BCL7C: variants seen among roughly 807,000 people sequenced by gnomAD.
BCL7C encodes the protein BAF chromatin remodeling complex subunit BCL7C, also known as B-cell CLL/lymphoma 7 protein family member C.
Under a neutral mutation model 26.2 loss-of-function variants are expected in BCL7C, and 8 were observed. The observed-to-expected ratio is 0.30, with a 90% CI of 0.18 to 0.55. The LOEUF is 0.55. Ranked by LOEUF, BCL7C falls within the 20% of genes least tolerant of loss-of-function variation. The pLI is 0.93. For synonymous variants in BCL7C, 90 were observed against 116.5 expected, an observed-to-expected ratio of 0.77 and a Z score of 1.47; for missense variants, 262 against 298.5, an observed-to-expected ratio of 0.88 and a Z score of 0.90.
At chr16:30,870,090 G>A (rs2054869696) in intron 5 of BCL7C, among the ~76,000 whole-genome samples, 1 of 152,062 alleles carries the variant, frequency 6.6e-6, no homozygotes, top group African/African-American at 2.4e-5. Flanking sequence ...GCCACCTTAG[G>A]AAGATGCAGT....
At chr16:30,849,640 G>A (rs1442029976) in intron 5 of BCL7C, among the ~76,000 whole-genome samples, 1 of 151,980 alleles carries the variant, frequency 6.6e-6, no homozygotes, top group African/African-American at 2.4e-5. Context: ...TAGTAGAGAC[G>A]AGGTTTCACC....
chr16:30,862,958 G>A (rs1385826023), intron 5 of BCL7C, among the ~76,000 whole-genome samples: 1 of 152,058 alleles, frequency 6.6e-6, no homozygotes, highest in Non-Finnish European at 1.5e-5. Flanking sequence ...ATTACACACA[G>A]CTGAAGTGCA....
In BCL7C at chr16:30,893,295, G is replaced by A. The variant is rs1324493536; in HGVS notation, c.93-5C>T. ...ACAGTCACCCATCGCTTCTCCCTGT[G>A]GGAGGGTGGGGGGCTGGGTCAGAGA... On this transcript the variant is annotated splice_region_variant and splice_polypyrimidine_tract_variant and intron_variant, in intron 1 of 5. Coordinates refer to ENST00000215115, the MANE Select transcript of BCL7C (RefSeq NM_004765.4). The surrounding 1 kb of genome is among the most constrained non-coding windows in gnomAD (Gnocchi z 5.2). The A allele has an allele frequency of 6.2e-7, 1 of 1,612,392 alleles. No individual in the cohort carries two copies. The highest frequency in any genetic ancestry group is 8.5e-7 in the Non-Finnish European group (1 of 1,178,962).
chr16:30,839,355 G>A (rs1323551720), intron 5 of BCL7C, among the ~76,000 whole-genome samples: 1 of 152,190 alleles, frequency 6.6e-6, no homozygotes, highest in Non-Finnish European at 1.5e-5. Flanking sequence ...ATTCCCTGGT[G>A]TGACAGACAG....
At chr16:30,870,434 G>A (rs377185103) in intron 5 of BCL7C, among the ~76,000 whole-genome samples, 1 of 152,152 alleles carries the variant, frequency 6.6e-6, no homozygotes, top group African/African-American at 2.4e-5. Flanking sequence ...CTCGGCCAAG[G>A]TGGGAGGATC....
intron 4 of BCL7C, among the ~76,000 whole-genome samples, chr16:30,891,629 C>G (rs1164829342): frequency 6.6e-6 from 1 of 152,048 alleles, no homozygotes; most frequent in Non-Finnish European, 1.5e-5. Context: ...TACTGAGCAC[C>G]TACTATGTGT....
At chr16:30,840,058 C>G (rs1250933164) in intron 5 of BCL7C, among the ~76,000 whole-genome samples, 2 of 151,966 alleles carry the variant, frequency 1.3e-5, no homozygotes, top group African/African-American at 4.8e-5. Context: ...CATTACTGAC[C>G]TTCCCCCACC....
At chr16:30,877,082 AAGG>A (rs1381092753) in intron 5 of BCL7C, among the ~76,000 whole-genome samples, 1 of 152,104 alleles carries the variant, frequency 6.6e-6, no homozygotes, top group African/African-American at 2.4e-5. Flanking sequence ...AGTGAACAGC[AAGG>A]AGGAGAGTGG....
intron 5 of BCL7C, among the ~76,000 whole-genome samples, chr16:30,858,926 A>G (rs893479266): frequency 4.6e-5 from 7 of 152,192 alleles, no homozygotes; most frequent in Non-Finnish European, 8.8e-5. Flanking sequence ...AGACAAAAAG[A>G]TTAGGTTACT....
chr16:30,849,045 G>C (rs1458111580), intron 5 of BCL7C, among the ~76,000 whole-genome samples: 7 of 151,910 alleles, frequency 4.6e-5, no homozygotes, highest in Admixed American at 4.6e-4. Context: ...AAATTAACCA[G>C]GCGTGGTGGT....
intron 5 of BCL7C, among the ~76,000 whole-genome samples, chr16:30,848,074 GCTGTAAGAGA>G (rs1596815026): frequency 6.6e-6 from 1 of 152,062 alleles, no homozygotes; most frequent in East Asian, 1.9e-4. Flanking sequence ...CCTGAATTTG[GCTGTAAGAGA>G]CTACTTGGCT....
rs565068825 is a variant in BCL7C at position 30,848,954 on chromosome 16, G to A, written c.529-13806C>T. 3.9e-4 allele frequency among the ~76,000 whole-genome samples: 59 copies of A among 150,568 alleles called. 1 individual carries two copies. The highest frequency in any genetic ancestry group is 3.4e-3 in the Admixed American group (51 of 15,110). On this transcript the variant is annotated intron_variant, in intron 5 of 5. Coordinates refer to the BCL7C transcript ENST00000380317. ...TGTAATCCCAGCACTTTGAGAGGCC[G>A]AGGCGGGTGGATCACGAGGTCAAGA...
At chr16:30,866,554 C>T (rs889736912) in intron 5 of BCL7C, among the ~76,000 whole-genome samples, 4 of 136,542 alleles carry the variant, frequency 2.9e-5, no homozygotes, top group African/African-American at 1.1e-4. Context: ...TCCAGCCTGG[C>T]CAAAATAGCG....
At chr16:30,863,814 C>T (rs1192605426) in intron 5 of BCL7C, among the ~76,000 whole-genome samples, 2 of 152,122 alleles carry the variant, frequency 1.3e-5, no homozygotes, top group Non-Finnish European at 2.9e-5. Flanking sequence ...AGCCACTAGC[C>T]CACCTCTTAA....
chr16:30,839,784 AC>A (rs2054590934), intron 5 of BCL7C, among the ~76,000 whole-genome samples: 1 of 152,206 alleles, frequency 6.6e-6, no homozygotes, highest in Admixed American at 6.5e-5. Flanking sequence ...TGAGCTAAGA[AC>A]CCAGTCACAC....
intron 5 of BCL7C, among the ~76,000 whole-genome samples, chr16:30,882,210 G>T (rs1426486248): frequency 6.6e-6 from 1 of 152,136 alleles, no homozygotes; most frequent in Non-Finnish European, 1.5e-5. Flanking sequence ...TGATTTGCCT[G>T]CCTCGGCCTC....
intron 4 of BCL7C, among the ~76,000 whole-genome samples, chr16:30,892,239 C>A (rs775747368): frequency 1.2e-3 from 159 of 128,686 alleles, no homozygotes; most frequent in East Asian, 2.1e-3. Context: ...CTATACTACT[C>A]CAGCCTGGGT....
intron 4 of BCL7C, among the ~76,000 whole-genome samples, chr16:30,891,287 AC>A (rs2055228472): frequency 6.6e-6 from 1 of 151,512 alleles, no homozygotes; most frequent in Non-Finnish European, 1.5e-5. Context: ...ACATGGCGAA[AC>A]CCCAACTCTA....
At chr16:30,875,467 C>T (rs1003029117) in intron 5 of BCL7C, 77 of 152,434 alleles carry the variant, frequency 5.1e-4, no homozygotes, top group African/African-American at 1.8e-3. Flanking sequence ...CGGCCTTTGT[C>T]TCCGCGGAGC....
Sources: allele counts gnomAD v4.1 joint callset (sites outside exome capture counted in the v4.1 genomes callset), GRCh38; gene constraint gnomAD v4.1.1; non-coding constraint Gnocchi (gnomAD v3.1); transcripts MANE v1.5; gene names NCBI Gene and HGNC (gene_info 2026-07-23, HGNC 2026-07-21).